The following LINGO2 variants were observed in gnomAD, a reference collection of about 807,000 sequenced individuals.
The protein encoded by LINGO2 is leucine-rich repeat and immunoglobulin-like domain-containing nogo receptor-interacting protein 2.
A neutral mutation model predicts 30.6 loss-of-function variants in LINGO2; 14 were observed. The observed-to-expected ratio is 0.46, with a 90% CI of 0.30 to 0.72. LINGO2 has a LOEUF of 0.72. LINGO2 is among the 30% of genes least tolerant of loss of function. The pLI, the probability that LINGO2 is intolerant of heterozygous loss-of-function variation, is 0.07. For missense variants in LINGO2, 729 were observed against 751.7 expected (o/e 0.97, Z 0.35); for synonymous variants, 317 against 288.5 (o/e 1.10, Z -1.00).
intron 1 of LINGO2, among the ~76,000 whole-genome samples, chr9:28,642,267 A>G (rs1456490407): frequency 6.6e-6 from 1 of 152,136 alleles, no homozygotes; most frequent in Non-Finnish European, 1.5e-5. Context: ...TTCAGTAAAC[A>G]TATTCTGCTA....
At chr9:28,758,225 G>A in the LINGO2 span, among the ~76,000 whole-genome samples, 1 of 152,012 alleles carries the variant, frequency 6.6e-6, no homozygotes, top group Non-Finnish European at 1.5e-5. Flanking sequence ...CCTGTACTTT[G>A]CAGACAGGAG....
chr9:28,020,881 CCT>C (rs1491245883), intron 4 of LINGO2, among the ~76,000 whole-genome samples: 3 of 150,260 alleles, frequency 2.0e-5, no homozygotes, highest in African/African-American at 4.9e-5. Context: ...AGTAATGACC[CCT>C]CTCTCTCATT....
At chr9:29,109,555 T>A in the LINGO2 span, among the ~76,000 whole-genome samples, 1 of 152,208 alleles carries the variant, frequency 6.6e-6, no homozygotes, top group East Asian at 1.9e-4. Flanking sequence ...AAATTTGAAA[T>A]GTCTGAAAGT....
chr9:29,167,308 T>C, the LINGO2 span, among the ~76,000 whole-genome samples: 1 of 152,124 alleles, frequency 6.6e-6, no homozygotes, highest in South Asian at 2.1e-4. Flanking sequence ...CTAAGAATAT[T>C]CATAATGCAG....
At chr9:28,233,954 T>C (rs765968030) in intron 4 of LINGO2, among the ~76,000 whole-genome samples, 11 of 152,152 alleles carry the variant, frequency 7.2e-5, no homozygotes, top group South Asian at 2.1e-4. Flanking sequence ...GTGTAAGCCA[T>C]TGGCCTTGGG....
At chr9:29,015,511 A>T in the LINGO2 span, among the ~76,000 whole-genome samples, 1 of 152,130 alleles carries the variant, frequency 6.6e-6, no homozygotes, top group Non-Finnish European at 1.5e-5. Context: ...TAGACAATAT[A>T]TAAAAATGAA....
intron 1 of LINGO2, among the ~76,000 whole-genome samples, chr9:28,501,110 T>C (rs1819864831): frequency 1.3e-5 from 2 of 152,122 alleles, no homozygotes; most frequent in African/African-American, 2.4e-5. Context: ...AAAAAAGATT[T>C]CTATATCAAG....
At chr9:28,145,915 G>A (rs746386980) in intron 4 of LINGO2, among the ~76,000 whole-genome samples, 2 of 152,074 alleles carry the variant, frequency 1.3e-5, no homozygotes, top group Non-Finnish European at 2.9e-5. Flanking sequence ...TCTTCCCCAG[G>A]CTACCCAGGC....
chr9:28,037,767 TG>T (rs1284533889), intron 4 of LINGO2, among the ~76,000 whole-genome samples: 1 of 152,206 alleles, frequency 6.6e-6, no homozygotes, highest in Non-Finnish European at 1.5e-5. Context: ...GGATCACAAA[TG>T]TGGTTGCCTT....
the LINGO2 span, among the ~76,000 whole-genome samples, chr9:29,206,631 T>C: frequency 6.6e-6 from 1 of 152,302 alleles, no homozygotes; most frequent in African/African-American, 2.4e-5. Flanking sequence ...GACACAACTT[T>C]TGTATTGTTA....
chr9:28,779,857 T>C, the LINGO2 span, among the ~76,000 whole-genome samples: 8 of 152,124 alleles, frequency 5.3e-5, no homozygotes, highest in Non-Finnish European at 7.4e-5. Context: ...TATAGAACCA[T>C]TGCTCTATTA....
At chr9:28,127,028 T>C (rs1827255312) in intron 4 of LINGO2, among the ~76,000 whole-genome samples, 1 of 152,208 alleles carries the variant, frequency 6.6e-6, no homozygotes, top group Non-Finnish European at 1.5e-5. Flanking sequence ...AATCAGCTAT[T>C]TTAAAGATGA....
chr9:28,312,163 T>TTTTTTTG (rs372195076), intron 3 of LINGO2, among the ~76,000 whole-genome samples: 2 of 151,288 alleles, frequency 1.3e-5, no homozygotes, highest in Non-Finnish European at 2.9e-5. Context: ...TTCTTTTTTT[T>TTTTTTTG]GTATCCAGAT....
chr9:28,585,910 G>A (rs978434162), intron 1 of LINGO2, among the ~76,000 whole-genome samples: 2 of 151,908 alleles, frequency 1.3e-5, no homozygotes, highest in South Asian at 2.1e-4. Context: ...CCCACTAGTC[G>A]AGTTCAGATC....
chr9:28,632,879 TGTAGAGAGAGAG>T lies in LINGO2; in HGVS notation c.-365+37309_-365+37320del, dbSNP rs1420140374. ...TTTTATATATATATATATATATATATGTAGAGAGAGAGAGAGAGAGAGAGAGAGAGAGAGGAG... is the reference window on the plus strand; with the variant it reads ...TTTTATATATATATATATATATATATAGAGAGAGAGAGAGAGAGAGAGGAG... On this transcript the variant is annotated intron_variant, in intron 1 of 5. Coordinates refer to ENST00000379992, the Ensembl canonical transcript of LINGO2. Among the ~76,000 whole-genome samples, 568 of 80,814 alleles carry T rather than the reference TGTAGAGAGAGAG, an allele frequency of 7.0e-3. 4 individuals are homozygous for T. Among genetic ancestry groups the T allele is most frequent in the Admixed American group, 0.023 (129 of 5,606 alleles). 53.0% of individuals were successfully genotyped at this position (80,814 alleles called of 152,430 possible).
chr9:28,075,953 G>C (rs967329314), intron 4 of LINGO2, among the ~76,000 whole-genome samples: 1 of 151,808 alleles, frequency 6.6e-6, no homozygotes, highest in East Asian at 1.9e-4. Flanking sequence ...CTGTGCATTA[G>C]TTTGAAGTAA....
At chr9:28,574,392 C>T (rs73441490) in intron 1 of LINGO2, among the ~76,000 whole-genome samples, 7,240 of 152,280 alleles carry the variant, frequency 0.048, 188 homozygotes, top group African/African-American at 0.068. Flanking sequence ...CCATTTGTTT[C>T]CATACAGTCA....
chr9:28,767,827 CTTTTCAGCTATCA>C, the LINGO2 span, among the ~76,000 whole-genome samples: 1 of 140,704 alleles, frequency 7.1e-6, no homozygotes, highest in South Asian at 2.3e-4. Flanking sequence ...TTTTAGGTTT[CTTTTCAGCTATCA>C]TTTTCTCCTC....
At chr9:28,072,679 A>C (rs1471903254) in intron 4 of LINGO2, among the ~76,000 whole-genome samples, 1 of 152,188 alleles carries the variant, frequency 6.6e-6, no homozygotes, top group Non-Finnish European at 1.5e-5. Context: ...ATTCTTAGAT[A>C]GTGAGGTAGG....
Sources: gnomAD v4.1 joint callset for allele counts (sites outside exome capture counted in the v4.1 genomes callset) on GRCh38, gnomAD v4.1.1 for gene constraint, MANE v1.5 for transcripts, NCBI Gene and HGNC (gene_info 2026-07-23, HGNC 2026-07-21) for gene names.